Variants in L3MBTL4 observed in about 807,000 individuals in gnomAD.
The protein encoded by L3MBTL4 is L3MBTL histone methyl-lysine binding protein 4, also known as lethal(3)malignant brain tumor-like protein 4.
Under a neutral mutation model 84.5 loss-of-function variants are expected in L3MBTL4, and 70 were observed. The ratio of observed to expected loss-of-function variants is 0.83; its 90% CI spans 0.68 to 1.01. L3MBTL4 has a LOEUF of 1.01. Ranked by LOEUF, L3MBTL4 falls within the 50% of genes least tolerant of loss-of-function variation. The pLI, the probability that L3MBTL4 is intolerant of heterozygous loss-of-function variation, is 0.00. For synonymous variants in L3MBTL4, 274 were observed against 259.8 expected (o/e 1.05, Z -0.52); for missense variants, 715 against 754.8 (o/e 0.95, Z 0.62).
intron 15 of L3MBTL4, among the ~76,000 whole-genome samples, chr18:6,081,657 C>T (rs1270073964): frequency 6.6e-6 from 1 of 152,066 alleles, no homozygotes; most frequent in Non-Finnish European, 1.5e-5. Flanking sequence ...TGTATTTGAA[C>T]AGCAAGTCTC....
At chr18:6,308,381 G>T (rs928074458) in intron 3 of L3MBTL4, among the ~76,000 whole-genome samples, 1 of 152,176 alleles carries the variant, frequency 6.6e-6, no homozygotes, top group Non-Finnish European at 1.5e-5. Context: ...ATACCTAGTG[G>T]TTTATCAAAA....
intron 16 of L3MBTL4, chr18:6,030,499 CTCTTT>C (rs2055736744): frequency 1.1e-6 from 1 of 928,974 alleles, no homozygotes; most frequent in African/African-American, 1.9e-5. Flanking sequence ...AATGAAGAGA[CTCTTT>C]TTTTTTTTTT....
At chr18:6,237,118 T>A (rs1370756665) in intron 10 of L3MBTL4, among the ~76,000 whole-genome samples, 1 of 152,176 alleles carries the variant, frequency 6.6e-6, no homozygotes, top group East Asian at 1.9e-4. Flanking sequence ...AAACATTTCA[T>A]AACATTTCTG....
At chr18:6,329,164 T>C (rs1422889370) in intron 1 of L3MBTL4, among the ~76,000 whole-genome samples, 3 of 148,694 alleles carry the variant, frequency 2.0e-5, no homozygotes. Context: ...TTTTTTTTTT[T>C]TTTTTTTGAG....
intron 13 of L3MBTL4, among the ~76,000 whole-genome samples, chr18:6,167,826 A>T (rs1020984503): frequency 6.6e-6 from 1 of 152,222 alleles, no homozygotes; most frequent in Non-Finnish European, 1.5e-5. Context: ...AGTTCTGGCC[A>T]GGGCAATCAG....
At chr18:6,105,374 G>T (rs1470248468) in intron 14 of L3MBTL4, among the ~76,000 whole-genome samples, 2 of 150,492 alleles carry the variant, frequency 1.3e-5, no homozygotes, top group African/African-American at 4.9e-5. Flanking sequence ...ATTTTTAGTA[G>T]AGATGGGGTT....
At position 6,244,513 on chromosome 18, in the gene L3MBTL4, A is replaced by T; in HGVS notation, c.295T>A (p.Ser99Thr). Reference sequence around the variant, plus strand: ...GCTACAGAAAGCACACAGAATACCGATGGATGTCGGGGATCAATGCCTTCT... The same window carrying T: ...GCTACAGAAAGCACACAGAATACCGTTGGATGTCGGGGATCAATGCCTTCT... ...RLEGIDPRHP[S>T]VFCVLSVAEV... Residue 99 changes from serine to threonine, a missense_variant, in exon 6 of 19, where the codon TCG becomes ACG. By Grantham distance (58) the Ser-to-Thr change is moderately conservative. Transcript: ENST00000317931. 6.2e-7 allele frequency: 1 copy of T among 1,613,610 alleles called. No homozygotes were observed. Among genetic ancestry groups the T allele is most frequent in the Non-Finnish European group, 8.5e-7 (1 of 1,179,532 alleles).
intron 1 of L3MBTL4, among the ~76,000 whole-genome samples, chr18:6,324,866 A>G (rs1176768610): frequency 6.6e-6 from 1 of 152,252 alleles, no homozygotes; most frequent in Non-Finnish European, 1.5e-5. Context: ...AAAAAGGGCA[A>G]AGCTTTGAAT....
At chr18:5,990,145 C>T (rs2145132620) in intron 16 of L3MBTL4, among the ~76,000 whole-genome samples, 1 of 152,286 alleles carries the variant, frequency 6.6e-6, no homozygotes, top group African/African-American at 2.4e-5. Context: ...GGCCTTTGGG[C>T]AGGGAAGTAA....
chr18:6,102,062 C>T (rs533564463), intron 14 of L3MBTL4, among the ~76,000 whole-genome samples: 15 of 152,194 alleles, frequency 9.9e-5, no homozygotes, highest in Non-Finnish European at 2.1e-4. Context: ...ATTATAGTTT[C>T]CTCATTATAG....
intron 4 of L3MBTL4, among the ~76,000 whole-genome samples, chr18:6,280,690 GGA>G (rs2049283991): frequency 6.6e-6 from 1 of 152,136 alleles, no homozygotes; most frequent in South Asian, 2.1e-4. Context: ...TCCTTGAGAT[GGA>G]GAGAGTGTCT....
intron 16 of L3MBTL4, among the ~76,000 whole-genome samples, chr18:6,022,148 C>T (rs2055302610): frequency 6.6e-6 from 1 of 152,244 alleles, no homozygotes; most frequent in Non-Finnish European, 1.5e-5. Flanking sequence ...ATCTATTTCT[C>T]CACAAGTATT....
At chr18:6,147,850 G>T (rs1043980444) in intron 13 of L3MBTL4, among the ~76,000 whole-genome samples, 1 of 152,072 alleles carries the variant, frequency 6.6e-6, no homozygotes, top group Non-Finnish European at 1.5e-5. Context: ...ATAAAGAACT[G>T]GCAAATATTT....
chr18:6,339,503 A>C (rs969805713), intron 1 of L3MBTL4, among the ~76,000 whole-genome samples: 16 of 152,320 alleles, frequency 1.1e-4, no homozygotes, highest in African/African-American at 3.8e-4. Flanking sequence ...GTGCTTAGAA[A>C]GAAAGTATAG....
chr18:6,311,507 G>A (rs377030176), intron 3 of L3MBTL4, 47 bp downstream of exon 3: 3 of 1,498,644 alleles, frequency 2.0e-6, no homozygotes, highest in Non-Finnish European at 2.8e-6. Flanking sequence ...GTGCATTTTG[G>A]TAGCGATCAC....
At chr18:6,009,507 T>G (rs1031968126) in intron 16 of L3MBTL4, among the ~76,000 whole-genome samples, 4 of 152,178 alleles carry the variant, frequency 2.6e-5, no homozygotes, top group African/African-American at 9.7e-5. Context: ...TTAGTACCAC[T>G]GCCCCTTGGT....
chr18:6,235,142 G>A (rs994844949), intron 10 of L3MBTL4, among the ~76,000 whole-genome samples: 1 of 152,084 alleles, frequency 6.6e-6, no homozygotes, highest in Non-Finnish European at 1.5e-5. Context: ...CACAGGGTGG[G>A]GAACATCACA....
At chr18:6,343,661 C>CA (rs1192917126) in intron 1 of L3MBTL4, among the ~76,000 whole-genome samples, 28,416 of 85,516 alleles carry the variant, frequency 0.33, 3,995 homozygotes, top group African/African-American at 0.48. Flanking sequence ...GACACCATAT[C>CA]AAAAAAAAAA....
At chr18:6,238,458 G>A (rs952506124) in intron 9 of L3MBTL4, among the ~76,000 whole-genome samples, 16 of 152,136 alleles carry the variant, frequency 1.1e-4, no homozygotes, top group African/African-American at 2.2e-4. Context: ...GCGTGAACCC[G>A]GGAGGCGGAG....
Sources: allele counts gnomAD v4.1 joint callset (sites outside exome capture counted in the v4.1 genomes callset), GRCh38; gene constraint gnomAD v4.1.1; transcripts MANE v1.5; gene names NCBI Gene and HGNC (gene_info 2026-07-23, HGNC 2026-07-21).